Variants in DNM1L observed in about 807,000 individuals in gnomAD.
DNM1L encodes the protein dynamin 1L.
A neutral mutation model predicts 92.8 loss-of-function variants in DNM1L; 33 were observed. That is an observed-to-expected ratio of 0.36 (90% CI 0.27 to 0.48). The LOEUF is 0.48. Ranked by LOEUF, DNM1L falls within the 20% of genes least tolerant of loss-of-function variation. DNM1L has a pLI of 0.99. For synonymous variants in DNM1L, 284 were observed against 305.0 expected (o/e 0.93, Z 0.72); for missense variants, 485 against 888.8 (o/e 0.55, Z 5.78).
chr12:32,711,250 C>T, intron 5 of DNM1L: 1 of 467,576 alleles, frequency 2.1e-6, no homozygotes, highest in Admixed American at 3.5e-5. Context: ...GCTGTTTCTT[C>T]TCATCTCCCC....
At chr12:32,724,590 A>AT (rs1565526311) in intron 9 of DNM1L, among the ~76,000 whole-genome samples, 602 of 57,742 alleles carry the variant, frequency 0.01, no homozygotes, top group Middle Eastern at 0.039. Flanking sequence ...AAAAAAAAAA[A>AT]AAAATATATA....
chr12:32,709,938 A>G (rs1487370207), intron 4 of DNM1L, among the ~76,000 whole-genome samples: 1 of 152,230 alleles, frequency 6.6e-6, no homozygotes, highest in Non-Finnish European at 1.5e-5. Flanking sequence ...GGATATTAAA[A>G]ACTTGCTGGG....
At chr12:32,681,040 A>G (rs1222466601) in intron 1 of DNM1L, among the ~76,000 whole-genome samples, 3 of 152,184 alleles carry the variant, frequency 2.0e-5, no homozygotes, top group African/African-American at 7.2e-5. Flanking sequence ...TTCTTTTTAC[A>G]CAAAATAGAG....
chr12:32,679,401 A>G lies in DNM1L; in HGVS notation c.38A>G (p.Asp13Gly). 6.2e-7 allele frequency: 1 copy of G among 1,613,824 alleles called. No homozygotes were observed. Among genetic ancestry groups the G allele is most frequent in the Non-Finnish European group, 8.5e-7 (1 of 1,179,912 alleles). ...ALIPVINKLQ[D>G]VFNTVGADII... is the part of the protein sequence containing the mutation. ...ATTCCTGTCATAAACAAGCTCCAGG[A>G]CGTCTTCAACACGGTGGGCGCCGAC... The change falls in exon 1 of 20, where the codon GAC becomes GGC. Residue 13 changes from aspartate (D) to glycine (G), a missense_variant. Coordinates refer to ENST00000549701, the MANE Select transcript of DNM1L (RefSeq NM_012062.5).
intron 9 of DNM1L, 94 bp downstream of exon 9, chr12:32,722,727 A>G (rs1349198678): frequency 3.2e-6 from 3 of 944,530 alleles, no homozygotes; most frequent in Non-Finnish European, 4.9e-6. Flanking sequence ...TATCTGATTA[A>G]GATTTATTTT....
chr12:32,700,264 C>T (rs892677187), intron 1 of DNM1L, among the ~76,000 whole-genome samples: 5 of 151,936 alleles, frequency 3.3e-5, no homozygotes, highest in East Asian at 2.0e-4. Context: ...GGATTACAGG[C>T]GCGTGCCACC....
rs1192258915 is a variant in DNM1L, at chr12:32,744,926, C to T, written c.*1516C>T. 1.9e-6 allele frequency: 1 copy of T among 517,904 alleles called. No individual in the cohort carries two copies. Among genetic ancestry groups the T allele is most frequent in the Non-Finnish European group, 3.9e-6 (1 of 259,546 alleles). The allele number at this position is 517,904 out of a possible 1,614,324, so 32.1% of individuals were successfully genotyped here. On this transcript the variant is annotated 3_prime_UTR_variant, in exon 20 of 20. Coordinates refer to ENST00000549701, the MANE Select transcript of DNM1L (RefSeq NM_012062.5). The stretch of plus-strand genomic sequence containing the variant: ...ATCTAGCCCCGTCTCTAATAGACAA[C>T]ACATTTATATTGCAGATATTACTTT...
intron 6 of DNM1L, among the ~76,000 whole-genome samples, chr12:32,714,998 A>G (rs1953298473): frequency 6.6e-6 from 1 of 152,126 alleles, no homozygotes; most frequent in Non-Finnish European, 1.5e-5. Context: ...GACCTTCGTA[A>G]AAAACAAACA....
Position 32,745,128 on chromosome 12 carries a change from A to G in DNM1L, c.*1718A>G, listed in dbSNP as rs1448977175. On this transcript the variant is annotated 3_prime_UTR_variant, in exon 20 of 20. Transcript: ENST00000549701. The stretch of plus-strand genomic sequence containing the variant: ...ATGGTACTACTTTGAATCTGTTACT[A>G]GTACCATCTTGACAGAGGATACATG... The G allele has an allele frequency of 4.8e-6, 2 of 416,852 alleles. No individual in the cohort carries two copies. Among genetic ancestry groups the G allele is most frequent in the Non-Finnish European group, 9.3e-6 (2 of 215,682 alleles). 25.8% of individuals were successfully genotyped at this position (416,852 alleles called of 1,614,324 possible). A position where few individuals can be genotyped will look rare whatever the true frequency, so the allele number is the denominator to read the frequency against.
rs1953792077 is a variant in DNM1L at position 32,721,364 on chromosome 12, A to C, written c.872+569A>C. Among the ~76,000 whole-genome samples the C allele has an allele frequency of 2.0e-5, 3 of 152,120 alleles. No homozygotes were observed. In the South Asian group the frequency reaches 6.2e-4, roughly 32 times the overall value. Reference sequence around the variant, plus strand: ...CTAAAGACTGATAGACTTGGATCTTAATAAGGTTGATTTTCACTTTGCTGG... The same window carrying C: ...CTAAAGACTGATAGACTTGGATCTTCATAAGGTTGATTTTCACTTTGCTGG... On this transcript the variant is annotated intron_variant, in intron 8 of 19. Transcript: ENST00000549701.
intron 1 of DNM1L, among the ~76,000 whole-genome samples, chr12:32,681,758 A>G (rs1179741933): frequency 6.6e-6 from 1 of 152,048 alleles, no homozygotes; most frequent in Non-Finnish European, 1.5e-5. Context: ...AAGTAATTGT[A>G]GTGAGTGAGT....
At chr12:32,718,003 AAT>A (rs555114168) in intron 6 of DNM1L, among the ~76,000 whole-genome samples, 2,184 of 109,810 alleles carry the variant, frequency 0.02, 98 homozygotes, top group African/African-American at 0.069. Flanking sequence ...TAGTATATAT[AAT>A]ATATATAGTA....
rs921631500 is a variant in DNM1L at position 32,705,933 on chromosome 12, C to T, written c.251-1434C>T. ...CTGCATGTGTGCTTATGTACTATTACAGGCTGTGTGTATTTTTTTTTCTTC... is the reference window on the plus strand; with the variant it reads ...CTGCATGTGTGCTTATGTACTATTATAGGCTGTGTGTATTTTTTTTTCTTC... On this transcript the variant is annotated intron_variant, in intron 2 of 19. Coordinates refer to ENST00000549701, the MANE Select transcript of DNM1L (RefSeq NM_012062.5). The T allele has an allele frequency of 6.5e-6, 9 of 1,380,020 alleles. No individual in the cohort carries two copies. The African/African-American group carries it at 1.2e-4, about 18-fold the overall frequency. 85.5% of individuals were successfully genotyped at this position (1,380,020 alleles called of 1,614,324 possible).
At chr12:32,742,888 C>CTTTTTT (rs36039451) in intron 19 of DNM1L, 140 bp downstream of exon 19, 131 of 248,698 alleles carry the variant, frequency 5.3e-4, no homozygotes, top group African/African-American at 3.4e-3. Context: ...TGATAAGAAT[C>CTTTTTT]TTTTTTTTTT....
chr12:32,718,599 TTTTC>T (rs1358332529), intron 6 of DNM1L, 40 bp from the exon 7 acceptor site: 3 of 1,611,452 alleles, frequency 1.9e-6, no homozygotes, highest in Non-Finnish European at 2.5e-6. Flanking sequence ...TAATGGATCA[TTTTC>T]TTTCTTTTCT....
intron 1 of DNM1L, among the ~76,000 whole-genome samples, chr12:32,693,931 G>A (rs944493563): frequency 2.0e-5 from 3 of 152,030 alleles, no homozygotes; most frequent in Admixed American, 6.6e-5. Flanking sequence ...GTGCCACCTC[G>A]CCTGGCCTTT....
At chr12:32,680,513 CGTTT>C (rs146651850) in intron 1 of DNM1L, among the ~76,000 whole-genome samples, 6,027 of 152,076 alleles carry the variant, frequency 0.04, 346 homozygotes, top group African/African-American at 0.13. Flanking sequence ...ACCCTGTACT[CGTTT>C]GTTTGTTTGT....
At chr12:32,730,952 C>T (rs543251338) in intron 9 of DNM1L, 62 bp from the exon 10 acceptor site, 2 of 1,608,808 alleles carry the variant, frequency 1.2e-6, no homozygotes, top group African/African-American at 2.7e-5. Context: ...AGAAAGACTT[C>T]TAACTTGTAT....
rs796795943 is a variant in DNM1L, at chr12:32,731,724, C to T, written c.1357-130C>T. 1 of 979,458 alleles carries T rather than the reference C, an allele frequency of 1.0e-6. No individual in the cohort carries two copies. The allele number at this position is 979,458 out of a possible 1,614,324, so 60.7% of individuals were successfully genotyped here. On this transcript the variant is annotated intron_variant, in intron 11 of 19. Coordinates refer to ENST00000549701, the MANE Select transcript of DNM1L (RefSeq NM_012062.5). This position sits in a 1 kb window ranked among gnomAD's most constrained non-coding sequence, Gnocchi z 5.1. ...TTAAGTAAAAGAAAATGACTGTTAG[C>T]CTGGCATGGTGGCTTCTACATGTAG...
Sources: gnomAD v4.1 joint callset for allele counts (sites outside exome capture counted in the v4.1 genomes callset) on GRCh38, gnomAD v4.1.1 for gene constraint, Gnocchi (gnomAD v3.1) non-coding constraint, MANE v1.5 for transcripts, NCBI Gene and HGNC (gene_info 2026-07-23, HGNC 2026-07-21) for gene names.